ARL10: variants seen among roughly 807,000 people sequenced by gnomAD.
ARL10 encodes ARF like GTPase 10, also known as ADP-ribosylation factor-like protein 10.
Under a neutral mutation model 26.1 loss-of-function variants are expected in ARL10, and 23 were observed. The observed-to-expected ratio is 0.88, with a 90% confidence interval of 0.63 to 1.25. The LOEUF (loss-of-function observed/expected upper bound fraction) is 1.25, where lower values mean the gene tolerates loss of function less well. Among genes scored for constraint, ARL10 ranks in the 50% most tolerant of loss-of-function variants. The probability of loss-of-function intolerance (pLI) is 0.00; values close to 1 mark genes in which losing one functional copy is unlikely to be tolerated. For synonymous variants in ARL10, 138 were observed against 149.1 expected (o/e 0.93, Z 0.54); for missense variants, 300 against 323.6 (o/e 0.93, Z 0.56).
At chr5:176,401,243 C>T (rs1756802948) in intron 1 of ARL10, among the ~76,000 whole-genome samples, 1 of 152,236 alleles carries the variant, frequency 6.6e-6, no homozygotes, top group South Asian at 2.1e-4. Flanking sequence ...CAGACAACTG[C>T]ACTGTTACTT....
downstream of ARL10, among the ~76,000 whole-genome samples, chr5:176,382,749 A>G (rs1267979012): frequency 1.3e-5 from 2 of 152,200 alleles, no homozygotes; most frequent in African/African-American, 2.4e-5. Flanking sequence ...ATACAAGAGC[A>G]AGGCCGTCTC....
downstream of ARL10, among the ~76,000 whole-genome samples, chr5:176,404,447 T>A (rs939557626): frequency 6.6e-6 from 1 of 152,200 alleles, no homozygotes. Flanking sequence ...ATTTTACAAA[T>A]GAGAAGCCAG....
At chr5:176,399,491 CAGCA>C (rs1304383529) in intron 1 of ARL10, among the ~76,000 whole-genome samples, 3 of 152,194 alleles carry the variant, frequency 2.0e-5, no homozygotes, top group Non-Finnish European at 4.4e-5. Context: ...CCTATAATCC[CAGCA>C]CTTCGGGAGG....
At chr5:176,410,213 A>G in the ARL10 span, 2 of 1,567,138 alleles carry the variant, frequency 1.3e-6, no homozygotes, top group South Asian at 1.1e-5. Flanking sequence ...TACTGAGACC[A>G]GGGCTGTTGG....
At chr5:176,413,993 A>C in the ARL10 span, among the ~76,000 whole-genome samples, 1 of 152,194 alleles carries the variant, frequency 6.6e-6, no homozygotes, top group Non-Finnish European at 1.5e-5. Context: ...TGCCAAGGAC[A>C]GAACTTGCCA....
chr5:176,409,406 C>CT, the ARL10 span, among the ~76,000 whole-genome samples: 3,300 of 79,630 alleles, frequency 0.041, 102 homozygotes, highest in Non-Finnish European at 0.058. Context: ...TCTGATTGCC[C>CT]TTTTTTTTTT....
At chr5:176,404,888 G>A (rs1757029300), downstream of ARL10, among the ~76,000 whole-genome samples, 1 of 152,202 alleles carries the variant, frequency 6.6e-6, no homozygotes, top group Non-Finnish European at 1.5e-5. Flanking sequence ...CCCTGCCAGT[G>A]TCCCCTCACA....
At chr5:176,370,389 C>A (rs186793172) in intron 3 of ARL10, among the ~76,000 whole-genome samples, 1 of 152,268 alleles carries the variant, frequency 6.6e-6, no homozygotes, top group East Asian at 1.9e-4. Flanking sequence ...GGTGAAACTG[C>A]CAGAGTACAG....
downstream of ARL10, chr5:176,388,704 C>A (rs113510659): frequency 3.1e-4 from 445 of 1,444,958 alleles, no homozygotes; most frequent in African/African-American, 5.3e-3. Context: ...CAGGATGCAA[C>A]GAGCATTTGC....
At chr5:176,370,294 G>A (rs1296785239) in intron 3 of ARL10, among the ~76,000 whole-genome samples, 1 of 152,192 alleles carries the variant, frequency 6.6e-6, no homozygotes, top group Non-Finnish European at 1.5e-5. Context: ...TAACCAGTGT[G>A]CTGTACCTCT....
chr5:176,389,211 C>A (rs17078191), downstream of ARL10: 169,386 of 1,281,572 alleles, frequency 0.13, 12,025 homozygotes, highest in African/African-American at 0.21. Context: ...TCGACCTACC[C>A]TCGCCGCCCT....
At chr5:176,388,441 C>T in exon 2 of ARL10, 1 of 1,614,196 alleles carries the variant, frequency 6.2e-7, no homozygotes, top group Non-Finnish European at 8.5e-7. Context: ...ACCATTCGAT[C>T]CGCGGCGCTG....
chr5:176,381,979 T>G (rs892156176), downstream of ARL10: 2 of 152,224 alleles, frequency 1.3e-5, no homozygotes, highest in African/African-American at 4.8e-5. Flanking sequence ...GCACTGAAGA[T>G]CCAGAGTGTC....
At chr5:176,369,793 A>C (rs1768476829) in intron 3 of ARL10, among the ~76,000 whole-genome samples, 2 of 151,660 alleles carry the variant, frequency 1.3e-5, no homozygotes, top group African/African-American at 4.8e-5. Context: ...CCGTCTCTAC[A>C]AAAAAAATGC....
the ARL10 span, among the ~76,000 whole-genome samples, chr5:176,411,443 G>C: frequency 2.0e-5 from 3 of 152,312 alleles, no homozygotes; most frequent in East Asian, 5.8e-4. Flanking sequence ...CTGGAAGGCT[G>C]CTCCCTCACT....
chr5:176,399,833 G>A (rs890389407), intron 1 of ARL10, among the ~76,000 whole-genome samples: 10 of 150,882 alleles, frequency 6.6e-5, no homozygotes, highest in African/African-American at 9.7e-5. Flanking sequence ...AGCAGAGATC[G>A]TGCCACTGCA....
At chr5:176,389,447 G>A, downstream of ARL10, 2 of 1,614,128 alleles carry the variant, frequency 1.2e-6, no homozygotes, top group Non-Finnish European at 1.7e-6. Context: ...TTTCACGGTC[G>A]CAGCCATCTT....
In ARL10 at chr5:176,374,776, ACCTTG is replaced by A. The variant is rs1768639553; in HGVS notation, c.*2882_*2886del. Reference sequence around the variant, plus strand: ...CTAAAAGAAACATGAAGATTAGAAAACCTTGAACAGCTAAGCTTGCTGTCTACCAT... The same window carrying A: ...CTAAAAGAAACATGAAGATTAGAAAAAACAGCTAAGCTTGCTGTCTACCAT... On this transcript the variant is annotated 3_prime_UTR_variant, in exon 4 of 4. Coordinates refer to ENST00000310389, the MANE Select transcript of ARL10 (RefSeq NM_173664.6). The A allele has an allele frequency of 6.6e-6, 1 of 152,162 alleles. No homozygotes were observed. The highest frequency in any genetic ancestry group is 2.4e-5 in the African/African-American group (1 of 41,440). The allele number at this position is 152,162 out of a possible 1,614,324, so 9.4% of individuals were successfully genotyped here. A position where few individuals can be genotyped will look rare whatever the true frequency, so the allele number is the denominator to read the frequency against.
Position 176,377,880 on chromosome 5 carries a change from A to G in ARL10, c.*5985A>G, listed in dbSNP as rs954303398. On this transcript the variant is annotated 3_prime_UTR_variant, in exon 4 of 4. Transcript: ENST00000310389. The surrounding 1 kb of genome is among the most constrained non-coding windows in gnomAD (Gnocchi z 4.5). Reference sequence around the variant, plus strand: ...AGAGATCAAGCAGTCCTCCCACCTCAGTCTCCTGAGTAGCTGGGACTACCA... The same window carrying G: ...AGAGATCAAGCAGTCCTCCCACCTCGGTCTCCTGAGTAGCTGGGACTACCA... The G allele has an allele frequency of 3.9e-5, 6 of 152,140 alleles. No individual in the cohort carries two copies. In the East Asian group the frequency reaches 9.6e-4, roughly 24 times the overall value. 9.4% of individuals were successfully genotyped at this position (152,140 alleles called of 1,614,324 possible).
Sources: gnomAD v4.1 joint callset for allele counts (sites outside exome capture counted in the v4.1 genomes callset) on GRCh38, gnomAD v4.1.1 for gene constraint, Gnocchi (gnomAD v3.1) non-coding constraint, MANE v1.5 for transcripts, NCBI Gene and HGNC (gene_info 2026-07-23, HGNC 2026-07-21) for gene names.